SHTN1: variants seen among roughly 807,000 people sequenced by gnomAD.
The protein encoded by SHTN1 is shootin-1.
A neutral mutation model predicts 83.1 loss-of-function variants in SHTN1; 42 were observed. That is an observed-to-expected ratio of 0.51 (90% CI 0.39 to 0.65). The LOEUF (loss-of-function observed/expected upper bound fraction) is 0.65. Ranked by LOEUF, SHTN1 falls within the 30% of genes least tolerant of loss-of-function variation. The pLI is 0.00. For synonymous variants in SHTN1, 224 were observed against 247.7 expected (o/e 0.90, Z 0.90); for missense variants, 622 against 737.8 (o/e 0.84, Z 1.82).
chr10:116,929,903 A>G lies in SHTN1; in HGVS notation c.958T>C (p.Leu320=), dbSNP rs751710109. The change falls in exon 10 of 17, where the codon TTG becomes CTG. Residue 320 remains leucine, a synonymous_variant. Coordinates refer to ENST00000355371, the MANE Select transcript of SHTN1 (RefSeq NM_001127211.3). The stretch of plus-strand genomic sequence containing the variant: ...TCAGAATTCTGATATTTCAATTCCA[A>G]TTCCTTTTTATCTTCCTCTAGAAGC... ...LELLEEDKKE[L]ELKYQNSEEK... 1.2e-6 allele frequency: 2 copies of G among 1,610,052 alleles called. No individual in the cohort carries two copies. Among genetic ancestry groups the G allele is most frequent in the East Asian group, 2.2e-5 (1 of 44,684 alleles).
intron 6 of SHTN1, 73 bp downstream of exon 6, chr10:116,951,836 G>C: frequency 1.3e-6 from 1 of 783,658 alleles, no homozygotes; most frequent in Non-Finnish European, 2.1e-6. Context: ...ATAATATTAA[G>C]TTCTTAACTT....
chr10:117,081,723 G>T (rs376150284), intron 1 of SHTN1, among the ~76,000 whole-genome samples: 47 of 142,456 alleles, frequency 3.3e-4, no homozygotes, highest in South Asian at 4.4e-4. Context: ...TCCTGTTATT[G>T]GTCTATTCAG....
Position 116,901,970 on chromosome 10 carries a change from C to T in SHTN1, c.1481-13G>A, listed in dbSNP as rs746051214. ...ATCCCAGTTGGACCTTAAAACCAAA[C>T]ACATACCTCAAGTTTAATAATTCTG... On this transcript the variant is annotated splice_polypyrimidine_tract_variant and intron_variant, in intron 15 of 16. Coordinates refer to ENST00000355371, the MANE Select transcript of SHTN1 (RefSeq NM_001127211.3). The T allele has an allele frequency of 6.4e-7, 1 of 1,571,664 alleles. No individual in the cohort carries two copies. The highest frequency in any genetic ancestry group is 8.6e-7 in the Non-Finnish European group (1 of 1,164,416).
At chr10:116,963,414 T>C (rs1400313472) in intron 3 of SHTN1, among the ~76,000 whole-genome samples, 1 of 152,076 alleles carries the variant, frequency 6.6e-6, no homozygotes, top group Non-Finnish European at 1.5e-5. Context: ...ATGTAATAAT[T>C]TGCCCTATGG....
chr10:116,974,985 G>A (rs1390613024), intron 2 of SHTN1, among the ~76,000 whole-genome samples: 1 of 152,094 alleles, frequency 6.6e-6, no homozygotes, highest in Non-Finnish European at 1.5e-5. Flanking sequence ...AAAATATATA[G>A]TCATCTATTT....
chr10:116,900,840 G>C, intron 16 of SHTN1: 1 of 985,282 alleles, frequency 1.0e-6, no homozygotes, highest in Non-Finnish European at 1.2e-6. Flanking sequence ...AGCAAAGAAG[G>C]CCATTCATTC....
chr10:117,053,610 T>C (rs1485573098), intron 1 of SHTN1, among the ~76,000 whole-genome samples: 5 of 152,154 alleles, frequency 3.3e-5, no homozygotes, highest in Admixed American at 3.3e-4. Flanking sequence ...AAATGGGAAG[T>C]GTTGGCAAGG....
intron 16 of SHTN1, among the ~76,000 whole-genome samples, chr10:116,897,339 T>C (rs564780756): frequency 5.4e-4 from 82 of 152,326 alleles, no homozygotes; most frequent in African/African-American, 1.9e-3. Flanking sequence ...AGCTAGGAAA[T>C]ATGTGCCTCT....
At chr10:116,900,257 T>C in intron 16 of SHTN1, 1 of 419,232 alleles carries the variant, frequency 2.4e-6, no homozygotes, top group East Asian at 3.6e-5. Flanking sequence ...GTATTTGTAT[T>C]AGAGCTTTAA....
intron 1 of SHTN1, among the ~76,000 whole-genome samples, chr10:117,060,861 AG>A (rs1852889358): frequency 6.6e-6 from 1 of 152,214 alleles, no homozygotes; most frequent in Admixed American, 6.5e-5. Context: ...AAGAAATCTT[AG>A]GAAGAGTAGC....
intron 2 of SHTN1, among the ~76,000 whole-genome samples, chr10:116,975,997 G>C (rs1224016016): frequency 6.6e-6 from 1 of 152,186 alleles, no homozygotes; most frequent in African/African-American, 2.4e-5. Flanking sequence ...AATAAAGTTA[G>C]GACCTTTGCA....
At chr10:117,000,086 C>T (rs546894770) in intron 1 of SHTN1, among the ~76,000 whole-genome samples, 65 of 152,144 alleles carry the variant, frequency 4.3e-4, no homozygotes, top group Non-Finnish European at 8.5e-4. Context: ...TGATAAGTAC[C>T]TGGTGATTCA....
intron 1 of SHTN1, among the ~76,000 whole-genome samples, chr10:117,115,090 C>G (rs980310224): frequency 6.6e-6 from 1 of 152,184 alleles, no homozygotes; most frequent in Non-Finnish European, 1.5e-5. Context: ...GTCATAAATC[C>G]TTTTGAGAAT....
chr10:116,903,012 T>C (rs1165107812), intron 15 of SHTN1, among the ~76,000 whole-genome samples: 4 of 152,160 alleles, frequency 2.6e-5, no homozygotes, highest in Non-Finnish European at 5.9e-5. Flanking sequence ...ACATATCAAC[T>C]CTAAAAATGA....
chr10:117,076,295 G>A (rs758297689), intron 1 of SHTN1, among the ~76,000 whole-genome samples: 26 of 152,118 alleles, frequency 1.7e-4, no homozygotes, highest in Non-Finnish European at 3.4e-4. Context: ...TGACAGTAGG[G>A]GTAGAAAGGA....
intron 1 of SHTN1, among the ~76,000 whole-genome samples, chr10:116,980,486 G>A (rs1251976357): frequency 6.6e-6 from 1 of 151,500 alleles, no homozygotes; most frequent in Non-Finnish European, 1.5e-5. Context: ...GTAGAGATGG[G>A]GTCTTGCTAT....
intron 2 of SHTN1, among the ~76,000 whole-genome samples, chr10:117,047,041 T>C (rs1213589432): frequency 2.0e-5 from 3 of 152,106 alleles, no homozygotes; most frequent in Non-Finnish European, 2.9e-5. Context: ...AGAGTGAATT[T>C]ATGATATGTA....
At position 117,118,883 on chromosome 10, in the gene SHTN1, C is replaced by T. The variant is rs945880457; in HGVS notation, c.-189+7424G>A. On this transcript the variant is annotated intron_variant, in intron 1 of 17. Coordinates refer to the SHTN1 transcript ENST00000392901. ...CAGTGCAGCAAACCACCATGACACGCATTTACCTATGTAACAAACCTGCAC... is the reference window on the plus strand; with the variant it reads ...CAGTGCAGCAAACCACCATGACACGTATTTACCTATGTAACAAACCTGCAC... 2.6e-5 allele frequency among the ~76,000 whole-genome samples: 4 copies of T among 152,122 alleles called. No homozygotes were observed. The East Asian group carries it at 7.7e-4, about 29-fold the overall frequency.
intron 13 of SHTN1, among the ~76,000 whole-genome samples, chr10:116,913,169 C>A (rs577720390): frequency 6.6e-6 from 1 of 152,344 alleles, no homozygotes; most frequent in South Asian, 2.1e-4. Flanking sequence ...TAAGCTGTGA[C>A]GTTCAAACAA....
Sources: gnomAD v4.1 joint callset for allele counts (sites outside exome capture counted in the v4.1 genomes callset) on GRCh38, gnomAD v4.1.1 for gene constraint, MANE v1.5 for transcripts, NCBI Gene and HGNC (gene_info 2026-07-23, HGNC 2026-07-21) for gene names.